CPLANE2: variants seen among roughly 807,000 people sequenced by gnomAD.
The protein encoded by CPLANE2 is ciliogenesis and planar polarity effector complex subunit 2.
Under a neutral mutation model 20.9 loss-of-function variants are expected in CPLANE2, and 24 were observed. That is an observed-to-expected ratio of 1.15 (90% confidence interval 0.83 to 1.61). The LOEUF (loss-of-function observed/expected upper bound fraction) is 1.61. Ranked by LOEUF, CPLANE2 falls within the 40% of genes most tolerant of loss-of-function variation. The probability of loss-of-function intolerance (pLI) is 0.00; values close to 1 mark genes in which losing one functional copy is unlikely to be tolerated. For missense variants in CPLANE2, 330 were observed against 355.1 expected (o/e 0.93, Z 0.57); for synonymous variants, 132 against 144.3 (o/e 0.92, Z 0.61).
rs1569773628 is a variant in CPLANE2, at chr1:16,231,865, AC to A, written c.*182del. On this transcript the variant is annotated 3_prime_UTR_variant, in exon 5 of 5. Coordinates refer to ENST00000375599, the MANE Select transcript of CPLANE2 (RefSeq NM_030907.4). ...GTTCGAGCTCAGGGCCTTGGTCCCC[AC>A]CTCCCTGCCATGAATTCTGCAAGGA... The A allele has an allele frequency of 9.3e-6, 8 of 855,956 alleles. No homozygotes were observed. The East Asian group carries it at 2.1e-4, about 23-fold the overall frequency. 53.0% of individuals were successfully genotyped at this position (855,956 alleles called of 1,614,324 possible).
Position 16,232,664 on chromosome 1 carries a change from T to C in CPLANE2, c.391-18A>G. ...ATGCAAGCCTGGTGATGGAGAGGCA[T>C]ATAACCATGTCACCCCCCATCAGCT... On this transcript the variant is annotated intron_variant, in intron 3 of 4. Coordinates refer to ENST00000375599, the MANE Select transcript of CPLANE2 (RefSeq NM_030907.4). 1 of 1,613,436 alleles carries C rather than the reference T, an allele frequency of 6.2e-7. No individual in the cohort carries two copies. The highest frequency in any genetic ancestry group is 2.2e-5 in the East Asian group (1 of 44,870).
Position 16,233,031 on chromosome 1 carries a change from AG to A in CPLANE2, c.266-15del, listed in dbSNP as rs1176348538. The A allele has an allele frequency of 3.1e-6, 5 of 1,614,040 alleles. No individual in the cohort carries two copies. The highest frequency in any genetic ancestry group is 3.4e-6 in the Non-Finnish European group (4 of 1,179,952). ...TGGTCTGGATGCCTGAGGGGGAGCC[AG>A]GGTCAGCCACTCACCATGGGAGAGG... On this transcript the variant is annotated splice_polypyrimidine_tract_variant and intron_variant, in intron 2 of 4. Transcript: ENST00000375599.
intron 2 of CPLANE2, 81 bp downstream of exon 2, chr1:16,233,531 G>A: frequency 1.3e-6 from 2 of 1,516,294 alleles, no homozygotes; most frequent in Non-Finnish European, 1.8e-6. Flanking sequence ...TACAGAGTAA[G>A]AGGTGGTCCA....
In CPLANE2 at chr1:16,233,630, C is replaced by T. The variant is rs763969921; in HGVS notation, c.247G>A (p.Val83Met). Residue 83 changes from valine to methionine, a missense_variant, in exon 2 of 5, where the codon GTG becomes ATG. Physicochemically the swap from Val to Met is conservative, Grantham distance 21. Transcript: ENST00000375599. ...AKLAGLEVPVVHHETTGIQTT... is the reference protein window; with the variant it reads ...AKLAGLEVPVMHHETTGIQTT... ...CACTCACCGGTGGTCTCGTGGTGCA[C>T]CACAGGCACCTCCAGGCCAGCCAGC... 5.0e-6 allele frequency: 8 copies of T among 1,613,980 alleles called. No homozygotes were observed. The Admixed American group carries it at 5.0e-5, about 10-fold the overall frequency.
At chr1:16,233,500 C>G in intron 2 of CPLANE2, 112 bp downstream of exon 2, 1 of 1,286,750 alleles carries the variant, frequency 7.8e-7, no homozygotes. Flanking sequence ...GGCTCAGAGA[C>G]GTGAAGTGAC....
chr1:16,232,429 G>T, intron 4 of CPLANE2, 81 bp downstream of exon 4: 1 of 1,569,226 alleles, frequency 6.4e-7, no homozygotes, highest in South Asian at 1.2e-5. Context: ...TAAAAGCCCA[G>T]GTGCTGAATT....
At position 16,235,869 on chromosome 1, in the gene CPLANE2, T is replaced by C. The variant is rs377499001; in HGVS notation, c.112+762A>G. Among the ~76,000 whole-genome samples the C allele has an allele frequency of 2.7e-4, 41 of 152,092 alleles. No individual in the cohort carries two copies. The East Asian group carries it at 7.7e-3, about 29-fold the overall frequency. On this transcript the variant is annotated intron_variant, in intron 1 of 4. Coordinates refer to ENST00000375599, the MANE Select transcript of CPLANE2 (RefSeq NM_030907.4). ...CTAATTTTTGTATTTTTAGTAAAGA[T>C]GGGGTTTCGCCATGTTGGCCAGGCT...
chr1:16,232,648 T>G lies in CPLANE2; in HGVS notation c.391-2A>C, dbSNP rs770291437. 2.5e-6 allele frequency: 4 copies of G among 1,613,842 alleles called. No homozygotes were observed. The highest frequency in any genetic ancestry group is 3.4e-6 in the Non-Finnish European group (4 of 1,179,932). Reference sequence around the variant, plus strand: ...GGCATCTGTGTTCTCCATGCAAGCCTGGTGATGGAGAGGCATATAACCATG... The same window carrying G: ...GGCATCTGTGTTCTCCATGCAAGCCGGGTGATGGAGAGGCATATAACCATG... On this transcript the variant is annotated splice_acceptor_variant, in intron 3 of 4. Transcript: ENST00000375599. LOFTEE classifies it high-confidence loss of function.
chr1:16,232,303 G>T lies in CPLANE2; in HGVS notation c.528-6C>A. 1 of 1,598,862 alleles carries T rather than the reference G, an allele frequency of 6.3e-7. No homozygotes were observed. Among genetic ancestry groups the T allele is most frequent in the Non-Finnish European group, 8.5e-7 (1 of 1,173,348 alleles). On this transcript the variant is annotated splice_polypyrimidine_tract_variant and splice_region_variant and intron_variant, in intron 4 of 4. Coordinates refer to ENST00000375599, the MANE Select transcript of CPLANE2 (RefSeq NM_030907.4). The stretch of plus-strand genomic sequence containing the variant: ...TGTGCATGTACTGGTCAAATCTGGA[G>T]GAGGGTCAAGGAGCCTAACTGGGTG...
chr1:16,234,315 A>T (rs891119676), intron 1 of CPLANE2, among the ~76,000 whole-genome samples: 2 of 152,024 alleles, frequency 1.3e-5, no homozygotes, highest in African/African-American at 4.8e-5. Flanking sequence ...GAGGCAGGAG[A>T]ACTGCTTGAA....
intron 2 of CPLANE2, 113 bp from the exon 3 acceptor site, chr1:16,233,130 G>T: frequency 8.4e-7 from 1 of 1,188,934 alleles, no homozygotes; most frequent in Non-Finnish European, 1.2e-6. Flanking sequence ...TGGGTCCCTA[G>T]TTTGATGAGG....
rs779088609 is a variant in CPLANE2 at position 16,232,970 on chromosome 1, T to C, written c.313A>G (p.Ser105Gly). The C allele has an allele frequency of 1.2e-6, 2 of 1,614,194 alleles. No individual in the cohort carries two copies. The highest frequency in any genetic ancestry group is 1.7e-6 in the Non-Finnish European group (2 of 1,180,024). ...TCAAAACGAAACATGACGACACGGC[T>C]GCTGGCCTGCAGCTTGGCTGGCCAA... ...VFWPAKLQAS[S>G]RVVMFRFEFW... The change falls in exon 3 of 5, where the codon AGC (serine) becomes GGC (glycine). Residue 105 changes from serine to glycine, a missense_variant. By Grantham distance (56) the Ser-to-Gly change is moderately conservative (BLOSUM62 0). Coordinates refer to ENST00000375599, the MANE Select transcript of CPLANE2 (RefSeq NM_030907.4).
chr1:16,233,511 T>C, intron 2 of CPLANE2, 101 bp downstream of exon 2: 1 of 1,404,798 alleles, frequency 7.1e-7, no homozygotes, highest in Non-Finnish European at 9.8e-7. Context: ...GTGAAGTGAC[T>C]TTCCAAGGCT....
In CPLANE2 at chr1:16,232,112, A is replaced by G; in HGVS notation, c.713T>C (p.Leu238Pro). 6.2e-7 allele frequency: 1 copy of G among 1,613,492 alleles called. No homozygotes were observed. The highest frequency in any genetic ancestry group is 8.5e-7 in the Non-Finnish European group (1 of 1,179,988). The change falls in exon 5 of 5, where the codon CTG becomes CCG. Residue 238 changes from leucine to proline, a missense_variant. By Grantham distance (98) the Leu-to-Pro change is moderately conservative (BLOSUM62 -3). Transcript: ENST00000375599. ...AHILNGLAEQ[L>P]WHQDQVAAGL... ...AGCCGCCACCTGGTCCTGGTGCCAC[A>G]GCTGCTCAGCAAGGCCATTGAGTAT...
intron 3 of CPLANE2, 79 bp downstream of exon 3, chr1:16,232,814 G>A (rs753746009): frequency 3.9e-5 from 62 of 1,580,496 alleles, no homozygotes; most frequent in Non-Finnish European, 5.0e-5. Context: ...GCCAGCTCAG[G>A]TCTCTGAGCA....
rs56329264 is a variant in CPLANE2 at position 16,237,068 on chromosome 1, C to G, written c.-326G>C. ...CCCTCCCCGTCAGCAGTCCCGGCGG[C>G]GAACCGACCTGGGTGCCGAAGGCCC... On this transcript the variant is annotated 5_prime_UTR_variant, in exon 1 of 5. Coordinates refer to ENST00000375599, the MANE Select transcript of CPLANE2 (RefSeq NM_030907.4). 0.044 allele frequency: 9,373 copies of G among 210,654 alleles called. 296 individuals are homozygous for G. The highest frequency in any genetic ancestry group is 0.05 in the Non-Finnish European group (5,247 of 104,420). The allele number at this position is 210,654 out of a possible 1,614,324, so 13.0% of individuals were successfully genotyped here.
Position 16,236,686 on chromosome 1 carries a change from G to C in CPLANE2, c.57C>G (p.Ala19=). The C allele has an allele frequency of 6.4e-7, 1 of 1,563,008 alleles. No individual in the cohort carries two copies. The highest frequency in any genetic ancestry group is 8.7e-7 in the Non-Finnish European group (1 of 1,152,124). The change falls in exon 1 of 5, where the codon GCC becomes GCG. Residue 19 remains alanine (A), a synonymous_variant. Coordinates refer to ENST00000375599, the MANE Select transcript of CPLANE2 (RefSeq NM_030907.4). ...SVVVPNWHES[A]EGKEYLACIL... Reference sequence around the variant, plus strand: ...TGCAAGCCAGGTACTCCTTGCCCTCGGCACTCTCGTGCCAGTTTGGGACAA... The same window carrying C: ...TGCAAGCCAGGTACTCCTTGCCCTCCGCACTCTCGTGCCAGTTTGGGACAA...
chr1:16,235,222 A>G (rs2081455542), intron 1 of CPLANE2, among the ~76,000 whole-genome samples: 1 of 152,228 alleles, frequency 6.6e-6, no homozygotes, highest in South Asian at 2.1e-4. Flanking sequence ...AAATGTCTGC[A>G]GTTAAAGTAA....
chr1:16,235,212 A>G (rs1256661418), intron 1 of CPLANE2, among the ~76,000 whole-genome samples: 1 of 152,214 alleles, frequency 6.6e-6, no homozygotes, highest in African/African-American at 2.4e-5. Flanking sequence ...AAAAAAACCC[A>G]AATGTCTGCA....
Sources: allele counts gnomAD v4.1 joint callset (sites outside exome capture counted in the v4.1 genomes callset), GRCh38; gene constraint gnomAD v4.1.1; transcripts MANE v1.5; gene names NCBI Gene and HGNC (gene_info 2026-07-23, HGNC 2026-07-21).